The following NFKB1 variants were observed in gnomAD, a reference collection of about 807,000 sequenced individuals.
The protein encoded by NFKB1 is nuclear factor kappa B subunit 1.
In NFKB1, 9 loss-of-function variants were observed where a neutral mutation model predicts 105.1. The ratio of observed to expected loss-of-function variants is 0.09; its 90% CI spans 0.05 to 0.15. The LOEUF is 0.15. Among genes scored for constraint, NFKB1 ranks in the 10% least tolerant of loss-of-function variants. NFKB1 has a pLI of 1.00. For missense variants in NFKB1, 830 were observed against 1,203.7 expected (o/e 0.69, Z 4.59); for synonymous variants, 440 against 442.2 (o/e 1.00, Z 0.06).
rs1348250118 is a variant in NFKB1, at chr4:102,529,933, G to C, written c.118+19G>C. The C allele has an allele frequency of 6.4e-7, 1 of 1,565,114 alleles. No individual in the cohort carries two copies. The highest frequency in any genetic ancestry group is 8.8e-7 in the Non-Finnish European group (1 of 1,139,318). On this transcript the variant is annotated intron_variant, in intron 3 of 23. Transcript: ENST00000226574. ...CCAACAGGTAAGAAAACTCATCCCT[G>C]TTACCCTGTTGTTCTGCTTTCAGTC...
At chr4:102,591,306 G>C (rs925714711) in intron 11 of NFKB1, among the ~76,000 whole-genome samples, 1 of 151,492 alleles carries the variant, frequency 6.6e-6, no homozygotes, top group African/African-American at 2.4e-5. Flanking sequence ...AAAACAGGCT[G>C]ACTCTCAGGA....
chr4:102,600,422 T>C (rs1727041857), intron 15 of NFKB1, among the ~76,000 whole-genome samples: 1 of 152,212 alleles, frequency 6.6e-6, no homozygotes. Flanking sequence ...CACTGTATTT[T>C]GGAGGAGGGC....
rs146024193 is a variant in NFKB1, at chr4:102,515,000, C to A, written c.-7-10512C>A. On this transcript the variant is annotated intron_variant, in intron 1 of 23. Coordinates refer to ENST00000226574, the MANE Select transcript of NFKB1 (RefSeq NM_003998.4). ...GTGTCTTTAATATTAAAGTACAATTCTTATGAAAAGCGTATACTTTAATCT... is the reference window on the plus strand; with the variant it reads ...GTGTCTTTAATATTAAAGTACAATTATTATGAAAAGCGTATACTTTAATCT... Among the ~76,000 whole-genome samples the A allele has an allele frequency of 6.6e-3, 995 of 151,292 alleles. 19 individuals carry two copies. Among genetic ancestry groups the A allele is most frequent in the African/African-American group, 0.023 (956 of 41,186 alleles).
intron 5 of NFKB1, among the ~76,000 whole-genome samples, chr4:102,541,108 T>C (rs1741971421): frequency 6.6e-6 from 1 of 152,116 alleles, no homozygotes; most frequent in South Asian, 2.1e-4. Flanking sequence ...TGACACGTTA[T>C]AAAATATTTA....
intron 19 of NFKB1, 29 bp downstream of exon 19, chr4:102,607,780 G>A: frequency 1.9e-6 from 3 of 1,602,854 alleles, no homozygotes; most frequent in Middle Eastern, 1.7e-4. Context: ...GGTCATTAAT[G>A]AAAAATGTTA....
chr4:102,606,561 G>C lies in NFKB1; in HGVS notation c.1818G>C (p.Gly606=). 6.2e-7 allele frequency: 1 copy of C among 1,614,124 alleles called. No individual in the cohort carries two copies. The highest frequency in any genetic ancestry group is 1.1e-5 in the South Asian group (1 of 91,080). ...TGGTGGAGGATTTGCTGAGGGCTGG[G>C]GCCGACCTGAGCCTTCTGGACCGCT... is the stretch of plus-strand genomic sequence containing the variant. ...EDVVEDLLRA[G]ADLSLLDRLG... The change falls in exon 17 of 24, where the codon GGG becomes GGC. Residue 606 remains glycine (G), a synonymous_variant. Coordinates refer to ENST00000226574, the MANE Select transcript of NFKB1 (RefSeq NM_003998.4).
At chr4:102,538,986 C>A (rs1228764448) in intron 5 of NFKB1, among the ~76,000 whole-genome samples, 1 of 152,000 alleles carries the variant, frequency 6.6e-6, no homozygotes. Flanking sequence ...TGTCTGTAAT[C>A]CCAGCACTTT....
At chr4:102,607,405 T>A in intron 18 of NFKB1, 86 bp downstream of exon 18, 1 of 1,417,004 alleles carries the variant, frequency 7.1e-7, no homozygotes, top group South Asian at 1.2e-5. Context: ...CAGTAGCTGC[T>A]GTTCTCCCTT....
At chr4:102,592,353 T>C (rs973539224) in intron 11 of NFKB1, among the ~76,000 whole-genome samples, 2 of 152,194 alleles carry the variant, frequency 1.3e-5, no homozygotes, top group African/African-American at 2.4e-5. Flanking sequence ...GAGAAATCTT[T>C]TGTGAAAGGA....
At chr4:102,557,923 C>T (rs968514399) in intron 5 of NFKB1, among the ~76,000 whole-genome samples, 2 of 152,096 alleles carry the variant, frequency 1.3e-5, no homozygotes, top group Non-Finnish European at 2.9e-5. Context: ...GCAACCAGAG[C>T]CCCCAGCCAG....
chr4:102,521,038 G>A (rs1740538631), intron 1 of NFKB1, among the ~76,000 whole-genome samples: 1 of 152,076 alleles, frequency 6.6e-6, no homozygotes, highest in Non-Finnish European at 1.5e-5. Flanking sequence ...ATTGTATACT[G>A]TATTATTTTT....
chr4:102,582,829 T>C, intron 9 of NFKB1, 37 bp from the exon 10 acceptor site: 1 of 1,320,240 alleles, frequency 7.6e-7, no homozygotes, highest in Non-Finnish European at 1.1e-6. Flanking sequence ...CTATTTACAC[T>C]ATGTGAAATT....
intron 5 of NFKB1, among the ~76,000 whole-genome samples, chr4:102,551,367 T>TATGTATGCGCGC (rs1553931290): frequency 6.7e-6 from 1 of 150,094 alleles, no homozygotes; most frequent in Non-Finnish European, 1.5e-5. Flanking sequence ...TGTGTGTGTG[T>TATGTATGCGCGC]GCGCGCGCGC....
chr4:102,597,770 C>A, intron 15 of NFKB1, 109 bp downstream of exon 15: 1 of 1,276,440 alleles, frequency 7.8e-7, no homozygotes, highest in Non-Finnish European at 1.1e-6. Context: ...ATATTGAGTC[C>A]TCTAACTGGA....
chr4:102,532,351 G>A lies in NFKB1; in HGVS notation c.119-1494G>A, dbSNP rs189475133. 3.8e-3 allele frequency among the ~76,000 whole-genome samples: 572 copies of A among 152,192 alleles called. 6 individuals are homozygous for A. The highest frequency in any genetic ancestry group is 0.013 in the African/African-American group (557 of 41,540). Reference sequence around the variant, plus strand: ...AAAGATAAAAATAAATTCTCTGGCCGGGTGAGGTGGCTCACGCCTGTAATC... The same window carrying A: ...AAAGATAAAAATAAATTCTCTGGCCAGGTGAGGTGGCTCACGCCTGTAATC... On this transcript the variant is annotated intron_variant, in intron 3 of 23. Transcript: ENST00000226574.
intron 5 of NFKB1, among the ~76,000 whole-genome samples, chr4:102,560,830 A>G (rs1368094323): frequency 2.0e-5 from 3 of 152,186 alleles, no homozygotes; most frequent in Admixed American, 6.5e-5. Flanking sequence ...GGGTCTTTAC[A>G]AATAATAGAG....
At chr4:102,578,748 C>A in intron 7 of NFKB1, 133 bp from the exon 8 acceptor site, 2 of 831,278 alleles carry the variant, frequency 2.4e-6, no homozygotes, top group Non-Finnish European at 3.7e-6. Context: ...ACTTTATTAG[C>A]AATATGAAGA....
intron 11 of NFKB1, 73 bp downstream of exon 11, chr4:102,584,893 T>TGAGACTC (rs1211650008): frequency 1.1e-5 from 15 of 1,419,896 alleles, no homozygotes; most frequent in African/African-American, 2.9e-5. Context: ...TTGTTTTGTT[T>TGAGACTC]TGTTTTGAGA....
At chr4:102,595,476 G>A (rs1426217298) in intron 13 of NFKB1, among the ~76,000 whole-genome samples, 1 of 152,154 alleles carries the variant, frequency 6.6e-6, no homozygotes, top group Non-Finnish European at 1.5e-5. Context: ...CCCATTTATT[G>A]AATACCTATT....
Sources: gnomAD v4.1 joint callset for allele counts (sites outside exome capture counted in the v4.1 genomes callset) on GRCh38, gnomAD v4.1.1 for gene constraint, MANE v1.5 for transcripts, NCBI Gene and HGNC (gene_info 2026-07-23, HGNC 2026-07-21) for gene names.